Variants in NEK5 observed in about 807,000 individuals in gnomAD.
NEK5 encodes NIMA related kinase 5.
Under a neutral mutation model 109.2 loss-of-function variants are expected in NEK5, and 88 were observed. The observed-to-expected ratio is 0.81, with a 90% CI of 0.68 to 0.96. NEK5 has a LOEUF of 0.96. Among genes scored for constraint, NEK5 ranks in the 40% least tolerant of loss-of-function variants. NEK5 has a pLI of 0.00. For synonymous variants in NEK5, 283 were observed against 299.9 expected (o/e 0.94, Z 0.58); for missense variants, 834 against 920.7 (o/e 0.91, Z 1.22).
intron 13 of NEK5, among the ~76,000 whole-genome samples, chr13:52,090,742 T>C (rs778575776): frequency 6.6e-6 from 1 of 152,058 alleles, no homozygotes; most frequent in Non-Finnish European, 1.5e-5. Context: ...TTCCTCTTCC[T>C]CGGCCGGGCA....
chr13:52,102,958 A>T (rs1213157268), intron 9 of NEK5, among the ~76,000 whole-genome samples: 1 of 152,192 alleles, frequency 6.6e-6, no homozygotes, highest in Non-Finnish European at 1.5e-5. Flanking sequence ...TTTAAAAATG[A>T]TGTTTATTTT....
chr13:52,069,988 A>G (rs1321604749), intron 20 of NEK5, among the ~76,000 whole-genome samples: 1 of 152,222 alleles, frequency 6.6e-6, no homozygotes, highest in Non-Finnish European at 1.5e-5. Flanking sequence ...CAGGGCCCAG[A>G]TTTCATTCAT....
intron 7 of NEK5, among the ~76,000 whole-genome samples, chr13:52,108,922 C>T (rs1462500219): frequency 1.3e-5 from 2 of 152,174 alleles, no homozygotes; most frequent in African/African-American, 4.8e-5. Context: ...ATCAAGAAGT[C>T]TTCAAAACCA....
At chr13:52,093,548 G>A (rs985923861) in intron 12 of NEK5, among the ~76,000 whole-genome samples, 5 of 151,022 alleles carry the variant, frequency 3.3e-5, no homozygotes, top group African/African-American at 4.9e-5. Flanking sequence ...CAATGTGAGC[G>A]AGACTCCATC....
chr13:52,118,306 C>T (rs915962907), intron 4 of NEK5, among the ~76,000 whole-genome samples: 5 of 152,138 alleles, frequency 3.3e-5, no homozygotes, highest in African/African-American at 4.8e-5. Flanking sequence ...GGGAATGACC[C>T]TTCATAAAAC....
At chr13:52,038,189 G>A (rs966300169) in intron 23 of NEK5, among the ~76,000 whole-genome samples, 3 of 151,868 alleles carry the variant, frequency 2.0e-5, no homozygotes, top group Non-Finnish European at 4.4e-5. Context: ...AGGCATGGTG[G>A]CGCACACTTG....
chr13:52,121,545 T>C (rs1955970561), intron 3 of NEK5, among the ~76,000 whole-genome samples: 1 of 152,172 alleles, frequency 6.6e-6, no homozygotes, highest in African/African-American at 2.4e-5. Flanking sequence ...TGTTACAGTG[T>C]TTTATTGCTA....
rs1253067936 is a variant in NEK5, at chr13:52,099,800, A to G, written c.969T>C (p.Asn323=). The change falls in exon 12 of 24, where the codon AAT becomes AAC. Residue 323 remains asparagine (N), a synonymous_variant. Transcript: ENST00000684899. ...RSRISVPIKR[N]AILHRNEWRP... is the part of the protein sequence containing the mutation. ...TCCATTCATTTCTATGCAATATAGC[A>G]TTCCTTTTAATTGGCACAGATATCC... 1 of 1,613,764 alleles carries G rather than the reference A, an allele frequency of 6.2e-7. No homozygotes were observed. The highest frequency in any genetic ancestry group is 1.3e-5 in the African/African-American group (1 of 74,924).
Position 52,093,092 on chromosome 13 carries a change from G to A in NEK5, c.1170C>T (p.Tyr390=), listed in dbSNP as rs55715265. Residue 390 remains tyrosine, a synonymous_variant, in exon 13 of 24, where the codon TAC becomes TAT. Transcript: ENST00000684899. ...IPQENTGVED[Y]GQETRHGPSP... is the part of the protein sequence containing the mutation. Reference sequence around the variant, plus strand: ...ATGGACCATGCCTCGTTTCCTGACCGTAATCCTCAACTCCAGTATTTTCTT... The same window carrying A: ...ATGGACCATGCCTCGTTTCCTGACCATAATCCTCAACTCCAGTATTTTCTT... The A allele has an allele frequency of 0.045, 72,160 of 1,612,666 alleles. 1,944 individuals carry two copies. The highest frequency in any genetic ancestry group is 0.09 in the South Asian group (8,157 of 90,968).
At chr13:52,101,293 G>T (rs1002166570) in intron 11 of NEK5, among the ~76,000 whole-genome samples, 1 of 152,088 alleles carries the variant, frequency 6.6e-6, no homozygotes, top group Non-Finnish European at 1.5e-5. Context: ...CCAGCTACTC[G>T]GGAGGCTGAG....
At chr13:52,059,951 T>C (rs1299603692) in intron 22 of NEK5, among the ~76,000 whole-genome samples, 1 of 151,952 alleles carries the variant, frequency 6.6e-6, no homozygotes, top group African/African-American at 2.4e-5. Context: ...ACTTAAAGTA[T>C]AATAATAAAA....
rs1954341940 is a variant in NEK5, at chr13:52,034,675, C to A, written c.*2273G>T. The A allele has an allele frequency of 6.7e-6, 1 of 148,716 alleles. No homozygotes were observed. The highest frequency in any genetic ancestry group is 1.5e-5 in the Non-Finnish European group (1 of 67,332). The allele number at this position is 148,716 out of a possible 1,614,324, so 9.2% of individuals were successfully genotyped here. On this transcript the variant is annotated 3_prime_UTR_variant, in exon 24 of 24. Transcript: ENST00000684899. ...CTGAAGAGCTGGGACCAGAGGTGCA[C>A]ACCAACACACCAGCTAATTCTTTTT...
Position 52,127,639 on chromosome 13 carries a change from A to T in NEK5, c.-67T>A, listed in dbSNP as rs1956091988. On this transcript the variant is annotated 5_prime_UTR_variant, in exon 2 of 24. Transcript: ENST00000684899. ...CAGCCTTGCCAAGACAGAGACAAATAACTTTCTTTGTGGCCACAGATAACT... is the reference window on the plus strand; with the variant it reads ...CAGCCTTGCCAAGACAGAGACAAATTACTTTCTTTGTGGCCACAGATAACT... 3.4e-6 allele frequency: 2 copies of T among 584,986 alleles called. No individual in the cohort carries two copies. Among genetic ancestry groups the T allele is most frequent in the East Asian group, 5.6e-5 (2 of 35,596 alleles). 36.2% of individuals were successfully genotyped at this position (584,986 alleles called of 1,614,324 possible).
rs978492969 is a variant in NEK5, at chr13:52,035,675, A to G, written c.*1273T>C. ...TTTCTGGCACTGTGCTAATAACTATATAAGAAAATCATTGTAAGATATAAA... is the reference window on the plus strand; with the variant it reads ...TTTCTGGCACTGTGCTAATAACTATGTAAGAAAATCATTGTAAGATATAAA... On this transcript the variant is annotated 3_prime_UTR_variant, in exon 24 of 24. Transcript: ENST00000684899. The G allele has an allele frequency of 6.6e-6, 1 of 152,252 alleles. No homozygotes were observed. The highest frequency in any genetic ancestry group is 1.5e-5 in the Non-Finnish European group (1 of 68,044). 9.4% of individuals were successfully genotyped at this position (152,252 alleles called of 1,614,324 possible).
At chr13:52,116,025 T>C (rs1955851144) in intron 4 of NEK5, among the ~76,000 whole-genome samples, 1 of 151,484 alleles carries the variant, frequency 6.6e-6, no homozygotes, top group Admixed American at 6.6e-5. Flanking sequence ...TGAAAAAATA[T>C]TCAAAAATTA....
At chr13:52,047,433 G>A (rs1473634994) in intron 23 of NEK5, among the ~76,000 whole-genome samples, 6 of 152,156 alleles carry the variant, frequency 3.9e-5, no homozygotes, top group Non-Finnish European at 8.8e-5. Flanking sequence ...GATTAGATTG[G>A]TTGACTGTAG....
chr13:52,050,720 C>CTTTTTTTTTTTTTT (rs772811272), intron 22 of NEK5, among the ~76,000 whole-genome samples: 1 of 99,946 alleles, frequency 1.0e-5, no homozygotes, highest in Non-Finnish European at 2.1e-5. Flanking sequence ...TTGTTTTTTT[C>CTTTTTTTTTTTTTT]TTTTTTTTTT....
At chr13:52,119,175 G>A (rs921280917) in intron 4 of NEK5, 144 bp downstream of exon 4, 7 of 428,458 alleles carry the variant, frequency 1.6e-5, no homozygotes, top group East Asian at 6.5e-5. Context: ...TAACGAGGAC[G>A]TCTCAAGCTG....
chr13:52,039,952 G>A (rs1954399131), intron 23 of NEK5, among the ~76,000 whole-genome samples: 1 of 152,018 alleles, frequency 6.6e-6, no homozygotes, highest in Non-Finnish European at 1.5e-5. Flanking sequence ...CCTCATGAGT[G>A]GGATCAGTGC....
Sources: gnomAD v4.1 joint callset for allele counts (sites outside exome capture counted in the v4.1 genomes callset) on GRCh38, gnomAD v4.1.1 for gene constraint, MANE v1.5 for transcripts, NCBI Gene and HGNC (gene_info 2026-07-23, HGNC 2026-07-21) for gene names.